Variants in CD1B observed in about 807,000 individuals in gnomAD.
CD1B encodes CD1b molecule, also known as T-cell surface glycoprotein CD1b.
In CD1B, 43 loss-of-function variants were observed where a neutral mutation model predicts 39.8. The ratio of observed to expected loss-of-function variants is 1.08; its 90% CI spans 0.85 to 1.39. The LOEUF (loss-of-function observed/expected upper bound fraction) is 1.39. Among genes scored for constraint, CD1B ranks in the 40% most tolerant of loss-of-function variants. The pLI is 0.00. For synonymous variants in CD1B, 192 were observed against 152.5 expected, an observed-to-expected ratio of 1.26 and a Z score of -1.91; for missense variants, 495 against 403.8, an observed-to-expected ratio of 1.23 and a Z score of -1.94.
At chr1:158,307,692 A>C in the CD1B span, among the ~76,000 whole-genome samples, 1 of 152,240 alleles carries the variant, frequency 6.6e-6, no homozygotes, top group Non-Finnish European at 1.5e-5. Context: ...TCAATAAAAT[A>C]CTGGCAAACC....
the CD1B span, among the ~76,000 whole-genome samples, chr1:158,322,827 C>T: frequency 6.6e-6 from 1 of 152,126 alleles, no homozygotes; most frequent in Non-Finnish European, 1.5e-5. Flanking sequence ...TTGCCCTACA[C>T]TTTTTGGCCT....
the CD1B span, chr1:158,289,925 ATCT>A: frequency 2.9e-6 from 2 of 684,666 alleles, no homozygotes; most frequent in East Asian, 2.7e-5. Flanking sequence ...AGGGAAGCAG[ATCT>A]TCTTAGTTGC....
downstream of CD1B, among the ~76,000 whole-genome samples, chr1:158,323,206 G>C (rs1422592859): frequency 6.6e-6 from 1 of 150,436 alleles, no homozygotes. Flanking sequence ...TTCCCACTTT[G>C]GCCATATTTC....
At chr1:158,292,462 A>C in the CD1B span, 1 of 1,495,454 alleles carries the variant, frequency 6.7e-7, no homozygotes, top group South Asian at 1.3e-5. Context: ...GAGGACAAGA[A>C]GCAGGGGGGT....
chr1:158,314,481 G>T, the CD1B span, among the ~76,000 whole-genome samples: 1 of 151,944 alleles, frequency 6.6e-6, no homozygotes, highest in Non-Finnish European at 1.5e-5. Flanking sequence ...ATTTATCGTT[G>T]CTTCTCTTCT....
At chr1:158,307,517 T>G in the CD1B span, among the ~76,000 whole-genome samples, 1 of 152,182 alleles carries the variant, frequency 6.6e-6, no homozygotes, top group Non-Finnish European at 1.5e-5. Context: ...AAGGAGGAGC[T>G]GGTACCATTC....
the CD1B span, among the ~76,000 whole-genome samples, chr1:158,317,448 G>C: frequency 1.3e-5 from 2 of 152,114 alleles, no homozygotes; most frequent in East Asian, 3.8e-4. Context: ...GTTTATTTGC[G>C]TAGAGGTGTT....
At chr1:158,308,633 A>G in the CD1B span, among the ~76,000 whole-genome samples, 1 of 152,206 alleles carries the variant, frequency 6.6e-6, no homozygotes, top group African/African-American at 2.4e-5. Flanking sequence ...CAAAACAGAG[A>G]TATAGAACAA....
At chr1:158,293,357 T>C in the CD1B span, 1 of 1,594,424 alleles carries the variant, frequency 6.3e-7, no homozygotes, top group Non-Finnish European at 8.6e-7. Context: ...ACATTCCATT[T>C]TTCACTCTCT....
the CD1B span, chr1:158,292,200 T>C: frequency 7.4e-6 from 12 of 1,614,082 alleles, no homozygotes; most frequent in Non-Finnish European, 7.6e-6. Context: ...GAATACAACA[T>C]GGGTGCCATC....
At chr1:158,315,649 C>T in the CD1B span, among the ~76,000 whole-genome samples, 28 of 151,560 alleles carry the variant, frequency 1.8e-4, no homozygotes, top group Non-Finnish European at 3.1e-4. Flanking sequence ...TGTGCAGAAG[C>T]TCTTTAGTTT....
the CD1B span, among the ~76,000 whole-genome samples, chr1:158,307,951 T>G: frequency 1.2e-3 from 180 of 152,204 alleles, 1 homozygote; most frequent in African/African-American, 3.7e-3. Context: ...CTCTCACCAC[T>G]CCTATTCAAC....
chr1:158,318,789 C>A, the CD1B span, among the ~76,000 whole-genome samples: 9 of 152,186 alleles, frequency 5.9e-5, no homozygotes, highest in African/African-American at 2.2e-4. Context: ...CATGATTTTG[C>A]AGCAGCTTGT....
At position 158,328,230 on chromosome 1, in the gene CD1B, G is replaced by C. The variant is rs756535608; in HGVS notation, c.*6C>G. ...TTGCGAATGGGAGAGGAGACATGAT[G>C]ATGGCTCATGGGATATTCTGATATG... On this transcript the variant is annotated 3_prime_UTR_variant, in exon 6 of 6. Transcript: ENST00000368168. 5 of 1,610,712 alleles carry C rather than the reference G, an allele frequency of 3.1e-6. No individual in the cohort carries two copies. In the South Asian group the frequency reaches 4.4e-5, roughly 14 times the overall value.
At chr1:158,303,469 A>G in the CD1B span, among the ~76,000 whole-genome samples, 2 of 152,152 alleles carry the variant, frequency 1.3e-5, no homozygotes, top group Non-Finnish European at 2.9e-5. Flanking sequence ...ATAAAAAGAG[A>G]GGAAGTTAAA....
the CD1B span, among the ~76,000 whole-genome samples, chr1:158,302,408 A>G: frequency 6.6e-6 from 1 of 152,168 alleles, no homozygotes; most frequent in Non-Finnish European, 1.5e-5. Context: ...AAAAACCTAA[A>G]GCTAGCAGAA....
At chr1:158,316,963 T>C in the CD1B span, among the ~76,000 whole-genome samples, 1 of 151,272 alleles carries the variant, frequency 6.6e-6, no homozygotes, top group African/African-American at 2.4e-5. Flanking sequence ...ATTACATTTA[T>C]TGATTTGCGT....
downstream of CD1B, among the ~76,000 whole-genome samples, chr1:158,327,592 G>A (rs1434496661): frequency 6.6e-6 from 1 of 151,726 alleles, no homozygotes; most frequent in Non-Finnish European, 1.5e-5. Flanking sequence ...TTGCAGCTAA[G>A]AGATCTTGCC....
At chr1:158,305,795 G>C in the CD1B span, among the ~76,000 whole-genome samples, 1 of 152,208 alleles carries the variant, frequency 6.6e-6, no homozygotes, top group East Asian at 1.9e-4. Context: ...TTAAAGAAAA[G>C]AATTTTCAAA....
Sources: gnomAD v4.1 joint callset for allele counts (sites outside exome capture counted in the v4.1 genomes callset) on GRCh38, gnomAD v4.1.1 for gene constraint, MANE v1.5 for transcripts, NCBI Gene and HGNC (gene_info 2026-07-23, HGNC 2026-07-21) for gene names.